CPA6: variants seen among roughly 807,000 people sequenced by gnomAD.
CPA6 encodes carboxypeptidase B.
CPA6 carries 58 observed loss-of-function variants against 63.3 expected under a neutral mutation model. That is an observed-to-expected ratio of 0.92 (90% CI 0.74 to 1.14). The LOEUF (loss-of-function observed/expected upper bound fraction) is 1.14, where lower values mean the gene tolerates loss of function less well. Among genes scored for constraint, CPA6 ranks in the 50% most tolerant of loss-of-function variants. The pLI, the probability that CPA6 is intolerant of heterozygous loss-of-function variation, is 0.00. For synonymous variants in CPA6, 185 were observed against 179.0 expected (o/e 1.03, Z -0.27); for missense variants, 565 against 526.6 (o/e 1.07, Z -0.71).
chr8:67,583,194 C>T lies in CPA6; in HGVS notation c.192+40982G>A, dbSNP rs995337137. On this transcript the variant is annotated intron_variant, in intron 2 of 10. Coordinates refer to ENST00000297770, the MANE Select transcript of CPA6 (RefSeq NM_020361.5). ...TAGTTGCGTGAAGATTCTGTGGGTG[C>T]AGCTGCCTTGTGCAACTATGGGTGT... Among the ~76,000 whole-genome samples the T allele has an allele frequency of 5.9e-5, 9 of 152,036 alleles. No homozygotes were observed. The South Asian group carries it at 1.9e-3, about 32-fold the overall frequency.
intron 10 of CPA6, 141 bp downstream of exon 10, chr8:67,427,906 C>G (rs1194326925): frequency 1.7e-6 from 1 of 597,686 alleles, no homozygotes; most frequent in Non-Finnish European, 3.0e-6. Flanking sequence ...GATATAAACT[C>G]CTTCTATTTT....
At chr8:67,553,479 A>G (rs895756922) in intron 2 of CPA6, among the ~76,000 whole-genome samples, 2 of 152,216 alleles carry the variant, frequency 1.3e-5, no homozygotes, top group Non-Finnish European at 2.9e-5. Flanking sequence ...CCTACTGGTA[A>G]TATTATTACA....
At chr8:67,665,043 C>G (rs1005906305) in intron 1 of CPA6, among the ~76,000 whole-genome samples, 1 of 152,090 alleles carries the variant, frequency 6.6e-6, no homozygotes, top group Non-Finnish European at 1.5e-5. Context: ...TTTCTTCTTA[C>G]TTCTGAAGTT....
intron 2 of CPA6, among the ~76,000 whole-genome samples, chr8:67,549,293 A>T (rs975324994): frequency 1.6e-4 from 25 of 152,130 alleles, no homozygotes; most frequent in African/African-American, 5.6e-4. Context: ...AAGTAACAAG[A>T]GTGTTTGAAA....
chr8:67,610,084 C>A (rs1814766134), intron 2 of CPA6, among the ~76,000 whole-genome samples: 1 of 151,928 alleles, frequency 6.6e-6, no homozygotes, highest in East Asian at 1.9e-4. Flanking sequence ...AACCAAAAAA[C>A]CATAGTTAGG....
In CPA6 at chr8:67,675,499, C is replaced by T. The variant is rs1281170130; in HGVS notation, c.117-51248G>A. On this transcript the variant is annotated intron_variant, in intron 1 of 10. Transcript: ENST00000297770. ...TTACCACTCTGGTACCTTGTCCTTC[C>T]ACCCCTCCCCTTGCCCATCAAAACT... 4.6e-5 allele frequency among the ~76,000 whole-genome samples: 7 copies of T among 152,260 alleles called. No individual in the cohort carries two copies. The East Asian group carries it at 1.4e-3, about 29-fold the overall frequency.
chr8:67,518,509 CTTT>C (rs71554610), intron 2 of CPA6, among the ~76,000 whole-genome samples: 77 of 129,864 alleles, frequency 5.9e-4, no homozygotes, highest in Non-Finnish European at 9.9e-4. Context: ...CTTTTCTTTT[CTTT>C]TTTTTTTTTT....
At chr8:67,526,933 C>T (rs1563986984) in intron 2 of CPA6, among the ~76,000 whole-genome samples, 2 of 152,120 alleles carry the variant, frequency 1.3e-5, no homozygotes, top group Non-Finnish European at 2.9e-5. Context: ...CCCAAGAAAC[C>T]TATTAGATAA....
intron 2 of CPA6, chr8:67,569,400 A>G (rs1307090052): frequency 1.1e-5 from 2 of 185,914 alleles, no homozygotes; most frequent in Non-Finnish European, 2.3e-5. Flanking sequence ...TCTCGGTTCC[A>G]TGTTCCCCCT....
At chr8:67,430,129 ATATGTGTG>A (rs1274334965) in intron 9 of CPA6, among the ~76,000 whole-genome samples, 16 of 120,876 alleles carry the variant, frequency 1.3e-4, no homozygotes, top group East Asian at 4.4e-4. Context: ...TGGTATATAT[ATATGTGTG>A]TGTGTGTGTG....
intron 2 of CPA6, among the ~76,000 whole-genome samples, chr8:67,540,188 T>C (rs1035536530): frequency 6.6e-6 from 1 of 152,080 alleles, no homozygotes; most frequent in Non-Finnish European, 1.5e-5. Context: ...GTTTTTTTTT[T>C]CGTGGGTGTC....
At chr8:67,732,989 G>A (rs1339984561) in intron 1 of CPA6, among the ~76,000 whole-genome samples, 3 of 151,846 alleles carry the variant, frequency 2.0e-5, no homozygotes, top group Non-Finnish European at 4.4e-5. Flanking sequence ...GAGGTCAGGA[G>A]ATCGAGACGA....
intron 2 of CPA6, among the ~76,000 whole-genome samples, chr8:67,609,706 G>T (rs1196404488): frequency 6.6e-6 from 1 of 152,172 alleles, no homozygotes; most frequent in African/African-American, 2.4e-5. Flanking sequence ...GTGATATGTA[G>T]AGTCAGTCTT....
chr8:67,714,326 G>A (rs1184233882), intron 1 of CPA6, among the ~76,000 whole-genome samples: 1 of 152,192 alleles, frequency 6.6e-6, no homozygotes, highest in Non-Finnish European at 1.5e-5. Flanking sequence ...GAAATGAGAA[G>A]GGTGGTGATT....
intron 6 of CPA6, among the ~76,000 whole-genome samples, chr8:67,502,970 T>C (rs773416431): frequency 7.9e-5 from 12 of 152,174 alleles, no homozygotes; most frequent in Non-Finnish European, 1.5e-4. Context: ...GTACAGTCTA[T>C]TAGATCCTGT....
intron 1 of CPA6, among the ~76,000 whole-genome samples, chr8:67,669,049 A>T (rs1816289957): frequency 6.6e-6 from 1 of 152,128 alleles, no homozygotes; most frequent in Admixed American, 6.5e-5. Context: ...AGGAAGAATC[A>T]CTCGCGGGTC....
chr8:67,478,446 G>A (rs547111479), intron 8 of CPA6, among the ~76,000 whole-genome samples: 1 of 152,322 alleles, frequency 6.6e-6, no homozygotes, highest in South Asian at 2.1e-4. Context: ...CAGAAGTACA[G>A]GTCACAAGCT....
intron 8 of CPA6, among the ~76,000 whole-genome samples, chr8:67,456,781 T>C (rs1470064679): frequency 6.6e-6 from 1 of 152,208 alleles, no homozygotes; most frequent in Non-Finnish European, 1.5e-5. Flanking sequence ...AGGAGATTAT[T>C]CCGGATTATC....
intron 1 of CPA6, among the ~76,000 whole-genome samples, chr8:67,716,384 G>T (rs985426818): frequency 6.6e-6 from 1 of 152,118 alleles, no homozygotes; most frequent in Non-Finnish European, 1.5e-5. Flanking sequence ...GGTGTACATT[G>T]GTTTGGTCTG....
Sources: gnomAD v4.1 joint callset for allele counts (sites outside exome capture counted in the v4.1 genomes callset) on GRCh38, gnomAD v4.1.1 for gene constraint, MANE v1.5 for transcripts, NCBI Gene and HGNC (gene_info 2026-07-23, HGNC 2026-07-21) for gene names.